Variants in CD99L2 observed in about 807,000 individuals in gnomAD.
CD99L2 encodes the protein CD99 antigen-like protein 2.
CD99L2 carries 24 observed loss-of-function variants against 27.3 expected under a neutral mutation model. The observed-to-expected ratio is 0.88, with a 90% CI of 0.64 to 1.24. CD99L2 has a LOEUF of 1.24. Among genes scored for constraint, CD99L2 ranks in the 50% most tolerant of loss-of-function variants. The pLI is 0.00. For missense variants in CD99L2, 255 were observed against 221.6 expected (o/e 1.15, Z -0.96); for synonymous variants, 97 against 87.9 (o/e 1.10, Z -0.58).
rs184182740 is a variant in CD99L2, at chrX:150,802,527, C to T, written c.278-7041G>A. ...GCTGCAGTGAGCCAAGATCACACCA[C>T]TGCACTCCAGTCTGGGCAGCAGAGC... On this transcript the variant is annotated intron_variant, in intron 4 of 10. Coordinates refer to ENST00000370377, the MANE Select transcript of CD99L2 (RefSeq NM_031462.4). Among the ~76,000 whole-genome samples, 541 of 105,823 alleles carry T rather than the reference C, an allele frequency of 5.1e-3. 7 individuals carry two copies. The highest frequency in any genetic ancestry group is 9.6e-3 in the Middle Eastern group (2 of 209). 91.9% of individuals were successfully genotyped at this position (105,823 alleles called of 115,157 possible).
intron 7 of CD99L2, among the ~76,000 whole-genome samples, chrX:150,793,074 GA>G (rs1172497035): frequency 8.9e-6 from 1 of 111,792 alleles, no homozygotes; most frequent in African/African-American, 3.2e-5. Context: ...ACGCATATCT[GA>G]ATGCATGCAA....
chrX:150,777,550 G>A (rs1332538055), intron 7 of CD99L2, 68 bp from the exon 8 acceptor site: 14 of 1,084,507 alleles, frequency 1.3e-5, no homozygotes, highest in African/African-American at 5.5e-5. Flanking sequence ...GGGCCTCCGC[G>A]AGACGGATGG....
chrX:150,769,237 C>G (rs1469677957), intron 10 of CD99L2, 136 bp from the exon 11 acceptor site: 7 of 710,376 alleles, frequency 9.9e-6, no homozygotes, highest in East Asian at 4.1e-5. Context: ...GCAACCTTCC[C>G]TCCTGAGCCT....
At position 150,797,286 on chromosome X, in the gene CD99L2, T is replaced by C. The variant is rs1294459052; in HGVS notation, c.278-1800A>G. Among the ~76,000 whole-genome samples the C allele has an allele frequency of 2.7e-5, 3 of 112,130 alleles. No homozygotes were observed. In the Admixed American group the frequency reaches 2.8e-4, roughly 11 times the overall value. ...TAACAAACATAAAAGTTAAAAAAGA[T>C]GATATGCCAATAAAAGGACTGAAAT... On this transcript the variant is annotated intron_variant, in intron 4 of 10. Transcript: ENST00000370377.
chrX:150,867,718 C>A (rs2047084633), intron 1 of CD99L2, among the ~76,000 whole-genome samples: 1 of 109,568 alleles, frequency 9.1e-6, no homozygotes, highest in Middle Eastern at 4.2e-3. Context: ...ACGGTGAAAC[C>A]CCGTCTCTAC....
At position 150,811,619 on chromosome X, in the gene CD99L2, TTC is replaced by T. The variant is rs200662657; in HGVS notation, c.277+3241_277+3242del. Among the ~76,000 whole-genome samples, 7 of 111,613 alleles carry T rather than the reference TTC, an allele frequency of 6.3e-5. No homozygotes were observed. In the East Asian group the frequency reaches 1.7e-3, roughly 27 times the overall value. On this transcript the variant is annotated intron_variant, in intron 4 of 10. Coordinates refer to ENST00000370377, the MANE Select transcript of CD99L2 (RefSeq NM_031462.4). The stretch of plus-strand genomic sequence containing the variant: ...ATCACAAGAAAAACTACAAACCTAT[TTC>T]TGTTAGTAATATAGATGCAAAAATC...
intron 1 of CD99L2, among the ~76,000 whole-genome samples, chrX:150,889,184 G>A (rs1397663838): frequency 8.9e-6 from 1 of 112,612 alleles, no homozygotes; most frequent in Non-Finnish European, 1.9e-5. Flanking sequence ...ACCCTGCTCT[G>A]TTTCACCCAC....
chrX:150,851,738 C>T (rs1232926610), intron 1 of CD99L2, among the ~76,000 whole-genome samples: 5 of 111,751 alleles, frequency 4.5e-5, no homozygotes, highest in Non-Finnish European at 7.5e-5. Flanking sequence ...ACCTGCATTC[C>T]TTACTTAGCT....
At chrX:150,839,533 G>A (rs1409409756) in intron 1 of CD99L2, among the ~76,000 whole-genome samples, 1 of 111,748 alleles carries the variant, frequency 8.9e-6, no homozygotes, top group Non-Finnish European at 1.9e-5. Flanking sequence ...CAGGAAGAGA[G>A]TATCCTTGTT....
chrX:150,848,112 C>T (rs1557421505), intron 1 of CD99L2, among the ~76,000 whole-genome samples: 1 of 58,465 alleles, frequency 1.7e-5, no homozygotes, highest in Non-Finnish European at 3.3e-5. Flanking sequence ...GGCCTGCAGG[C>T]CCCCCCCCCC....
intron 1 of CD99L2, among the ~76,000 whole-genome samples, chrX:150,841,119 A>C (rs2046616780): frequency 8.9e-6 from 1 of 112,366 alleles, no homozygotes; most frequent in Admixed American, 9.4e-5. Flanking sequence ...CAACAGGAAA[A>C]AGAAATGGAA....
chrX:150,769,668 TCTCCCTGCCTGCGCCACCAGGC>T (rs1388577216), intron 10 of CD99L2, among the ~76,000 whole-genome samples: 2 of 106,763 alleles, frequency 1.9e-5, no homozygotes, highest in African/African-American at 7.0e-5. Flanking sequence ...GCTGTCCTAG[TCTCCCTGCCTGCGCCACCAGGC>T]CTCGGCTGCT....
At chrX:150,860,132 G>A (rs1334493048) in intron 1 of CD99L2, among the ~76,000 whole-genome samples, 2 of 111,685 alleles carry the variant, frequency 1.8e-5, no homozygotes, top group Admixed American at 1.9e-4. Context: ...AATACACCAC[G>A]ATCAAGTGGA....
intron 1 of CD99L2, among the ~76,000 whole-genome samples, chrX:150,839,784 C>A (rs1274876352): frequency 3.6e-5 from 4 of 109,952 alleles, no homozygotes; most frequent in Non-Finnish European, 7.6e-5. Flanking sequence ...CCTATAACCC[C>A]AGCACTTTGA....
chrX:150,856,102 C>A (rs1322806115), intron 1 of CD99L2, among the ~76,000 whole-genome samples: 1 of 112,904 alleles, frequency 8.9e-6, no homozygotes, highest in African/African-American at 3.2e-5. Context: ...GAAGGACAAA[C>A]CTTGCCCACA....
At chrX:150,856,892 G>A (rs1377874374) in intron 1 of CD99L2, among the ~76,000 whole-genome samples, 1 of 110,110 alleles carries the variant, frequency 9.1e-6, no homozygotes, top group East Asian at 2.8e-4. Flanking sequence ...ATATAAATGA[G>A]AAATTTACCA....
Position 150,793,727 on chromosome X carries a change from CTAT to C in CD99L2, c.457_459del (p.Ile153del), listed in dbSNP as rs782008501. On this transcript the variant is annotated inframe_deletion, in exon 7 of 11. Coordinates refer to ENST00000370377, the MANE Select transcript of CD99L2 (RefSeq NM_031462.4). ...TCAGGTTTGTATTCTCCACCCCCTA[CTAT>C]GTCTTCAAGATCCTTGTCTGAAAAA... The C allele has an allele frequency of 4.2e-6, 5 of 1,199,385 alleles. No individual in the cohort carries two copies. Among genetic ancestry groups the C allele is most frequent in the Non-Finnish European group, 5.6e-6 (5 of 890,066 alleles).
At chrX:150,894,174 C>G (rs1434738745) in intron 1 of CD99L2, among the ~76,000 whole-genome samples, 1 of 112,164 alleles carries the variant, frequency 8.9e-6, no homozygotes, top group Non-Finnish European at 1.9e-5. Flanking sequence ...ATCCCAGCTG[C>G]TGGCAACCAC....
chrX:150,889,948 C>G (rs1167451361), intron 1 of CD99L2, among the ~76,000 whole-genome samples: 10 of 107,876 alleles, frequency 9.3e-5, no homozygotes, highest in African/African-American at 2.7e-4. Flanking sequence ...GTCAGGAGAT[C>G]GAGACCATCC....
Sources: allele counts gnomAD v4.1 joint callset (sites outside exome capture counted in the v4.1 genomes callset), GRCh38; gene constraint gnomAD v4.1.1; transcripts MANE v1.5; gene names NCBI Gene and HGNC (gene_info 2026-07-23, HGNC 2026-07-21).